HDX: variants seen among roughly 807,000 people sequenced by gnomAD.
HDX encodes the protein chromosome X open reading frame 43.
Under a neutral mutation model 45.2 loss-of-function variants are expected in HDX, and 19 were observed. The ratio of observed to expected loss-of-function variants is 0.42; its 90% CI spans 0.29 to 0.62. The LOEUF (loss-of-function observed/expected upper bound fraction) is 0.62, where lower values mean the gene tolerates loss of function less well. Among genes scored for constraint, HDX ranks in the 20% least tolerant of loss-of-function variants. The pLI is 0.20. For synonymous variants in HDX, 188 were observed against 172.8 expected (o/e 1.09, Z -0.69); for missense variants, 532 against 493.9 (o/e 1.08, Z -0.73).
intron 1 of HDX, among the ~76,000 whole-genome samples, chrX:84,489,687 G>A (rs1489746412): frequency 8.9e-6 from 1 of 112,142 alleles, no homozygotes; most frequent in Non-Finnish European, 1.9e-5. Flanking sequence ...GTGTATGGTA[G>A]AGGGAGAGAG....
intron 5 of HDX, among the ~76,000 whole-genome samples, chrX:84,371,103 G>A (rs1208821705): frequency 8.9e-6 from 1 of 111,929 alleles, no homozygotes; most frequent in Non-Finnish European, 1.9e-5. Context: ...GGAGCACATC[G>A]TAAGGGCTTA....
chrX:84,342,257 T>G (rs1018972999), intron 7 of HDX, among the ~76,000 whole-genome samples: 1 of 111,591 alleles, frequency 9.0e-6, no homozygotes, highest in Non-Finnish European at 1.9e-5. Context: ...TTCTATAAAT[T>G]TAATACAATG....
chrX:84,466,518 A>T (rs1239919798), intron 4 of HDX, among the ~76,000 whole-genome samples: 1 of 112,080 alleles, frequency 8.9e-6, no homozygotes, highest in Non-Finnish European at 1.9e-5. Flanking sequence ...TAAGAAGATT[A>T]TCATTCATAC....
chrX:84,359,968 A>T (rs1468463805), intron 6 of HDX, among the ~76,000 whole-genome samples: 1 of 112,382 alleles, frequency 8.9e-6, no homozygotes, highest in Non-Finnish European at 1.9e-5. Context: ...TGCACAGCAA[A>T]AGAAACTATA....
At chrX:84,440,940 A>G (rs926592130) in intron 4 of HDX, among the ~76,000 whole-genome samples, 3 of 111,128 alleles carry the variant, frequency 2.7e-5, no homozygotes, top group African/African-American at 9.8e-5. Context: ...AGAAGTATAG[A>G]ATAGAGTAGG....
intron 5 of HDX, among the ~76,000 whole-genome samples, chrX:84,376,664 G>A (rs1453401734): frequency 2.7e-5 from 3 of 112,235 alleles, no homozygotes; most frequent in African/African-American, 9.7e-5. Context: ...TTTGCCTTTG[G>A]CAAGGGTAGG....
chrX:84,430,609 T>G (rs935561105), intron 5 of HDX, among the ~76,000 whole-genome samples: 13 of 110,645 alleles, frequency 1.2e-4, no homozygotes, highest in African/African-American at 3.9e-4. Context: ...TTCTCCATAG[T>G]GGTTGTACTA....
At chrX:84,355,530 T>TA (rs1011057279) in intron 6 of HDX, among the ~76,000 whole-genome samples, 1 of 111,193 alleles carries the variant, frequency 9.0e-6, no homozygotes. Context: ...GGCACATACA[T>TA]AAAAAATGAT....
At chrX:84,351,264 T>C (rs2059277522) in intron 6 of HDX, among the ~76,000 whole-genome samples, 1 of 111,510 alleles carries the variant, frequency 9.0e-6, no homozygotes, top group Non-Finnish European at 1.9e-5. Context: ...AAAAGTCTTC[T>C]AGTGACATTG....
intron 5 of HDX, among the ~76,000 whole-genome samples, chrX:84,382,560 G>T (rs1330590929): frequency 9.0e-6 from 1 of 111,491 alleles, no homozygotes; most frequent in African/African-American, 3.3e-5. Context: ...AATAGAACTG[G>T]AGTTCATTAT....
intron 9 of HDX, among the ~76,000 whole-genome samples, chrX:84,326,561 C>T (rs2036714526): frequency 9.0e-6 from 1 of 111,045 alleles, no homozygotes; most frequent in Non-Finnish European, 1.9e-5. Context: ...AACCAAAAAA[C>T]AGCTCCCTTC....
At chrX:84,446,129 A>C (rs2039867670) in intron 4 of HDX, among the ~76,000 whole-genome samples, 1 of 111,857 alleles carries the variant, frequency 8.9e-6, no homozygotes, top group African/African-American at 3.2e-5. Flanking sequence ...AATGTAAGTT[A>C]ATATGTGGAA....
chrX:84,447,434 G>A (rs751758032), intron 4 of HDX, among the ~76,000 whole-genome samples: 1 of 111,432 alleles, frequency 9.0e-6, no homozygotes, highest in African/African-American at 3.3e-5. Context: ...AAGAATAAGC[G>A]AGTGACACCC....
chrX:84,368,142 A>T (rs1352407284), intron 5 of HDX, among the ~76,000 whole-genome samples: 3 of 111,365 alleles, frequency 2.7e-5, no homozygotes, highest in Non-Finnish European at 5.7e-5. Flanking sequence ...ATAGCTTCTT[A>T]TTTTGTTTTC....
chrX:84,346,181 T>C (rs1447618254), intron 6 of HDX, among the ~76,000 whole-genome samples: 2 of 111,202 alleles, frequency 1.8e-5, no homozygotes, highest in Non-Finnish European at 3.8e-5. Context: ...GACAAACATC[T>C]AATTGTTAAA....
At chrX:84,442,885 A>G (rs1432573419) in intron 4 of HDX, among the ~76,000 whole-genome samples, 1 of 111,738 alleles carries the variant, frequency 8.9e-6, no homozygotes, top group Non-Finnish European at 1.9e-5. Flanking sequence ...AATATTACAT[A>G]TGAAATGATA....
intron 10 of HDX, 35 bp downstream of exon 10, chrX:84,326,143 T>C (rs1382960118): frequency 8.4e-7 from 1 of 1,191,180 alleles, no homozygotes; most frequent in Non-Finnish European, 1.1e-6. Flanking sequence ...TTTGACTTGA[T>C]ACATTGCAGC....
chrX:84,330,114 T>G, intron 9 of HDX, among the ~76,000 whole-genome samples: 1 of 111,604 alleles, frequency 9.0e-6, no homozygotes, highest in Non-Finnish European at 1.9e-5. Context: ...TCGTTTGATT[T>G]AATTAATCCA....
intron 9 of HDX, among the ~76,000 whole-genome samples, chrX:84,332,629 A>C (rs191917673): frequency 9.0e-6 from 1 of 111,111 alleles, no homozygotes; most frequent in Non-Finnish European, 1.9e-5. Flanking sequence ...TGTAGTTTCC[A>C]CAACCTGTGC....
Sources: allele counts gnomAD v4.1 joint callset (sites outside exome capture counted in the v4.1 genomes callset), GRCh38; gene constraint gnomAD v4.1.1; transcripts MANE v1.5; gene names NCBI Gene and HGNC (gene_info 2026-07-23, HGNC 2026-07-21).